TRAF3IP1: variants seen among roughly 807,000 people sequenced by gnomAD.
TRAF3IP1 encodes the protein TRAF3-interacting protein 1.
In TRAF3IP1, 53 loss-of-function variants were observed where a neutral mutation model predicts 89.9. That is an observed-to-expected ratio of 0.59 (90% confidence interval 0.47 to 0.74). The LOEUF (loss-of-function observed/expected upper bound fraction) is 0.74, where lower values mean the gene tolerates loss of function less well. Among genes scored for constraint, TRAF3IP1 ranks in the 30% least tolerant of loss-of-function variants. The pLI is 0.00. For synonymous variants in TRAF3IP1, 311 were observed against 322.1 expected, an observed-to-expected ratio of 0.97 and a Z score of 0.37; for missense variants, 806 against 866.1, an observed-to-expected ratio of 0.93 and a Z score of 0.87.
rs1697463556 is a variant in TRAF3IP1 at position 238,320,544 on chromosome 2, C to G, written c.-119C>G. Reference sequence around the variant, plus strand: ...CACTGTGGGATGGAAACCGGAGCGGCGCGTCCTGGCAGGACCGGGCGGCGG... The same window carrying G: ...CACTGTGGGATGGAAACCGGAGCGGGGCGTCCTGGCAGGACCGGGCGGCGG... On this transcript the variant is annotated 5_prime_UTR_variant, in exon 1 of 17. Coordinates refer to ENST00000373327, the MANE Select transcript of TRAF3IP1 (RefSeq NM_015650.4). 9.8e-7 allele frequency: 1 copy of G among 1,021,274 alleles called. No individual in the cohort carries two copies. The allele number at this position is 1,021,274 out of a possible 1,614,324, so 63.3% of individuals were successfully genotyped here. A position where few individuals can be genotyped will look rare whatever the true frequency, so the allele number is the denominator to read the frequency against.
rs760551791 is a variant in TRAF3IP1 at position 238,349,336 on chromosome 2, G to T, written c.1379G>T (p.Arg460Leu). The change falls in exon 12 of 17, where the codon CGG becomes CTG. Residue 460 changes from arginine (R) to leucine (L), a missense_variant. Physicochemically the swap from Arg to Leu is moderately radical, Grantham distance 102 (BLOSUM62 -2). Coordinates refer to ENST00000373327, the MANE Select transcript of TRAF3IP1 (RefSeq NM_015650.4). ...ATATTTGGGTTTAGAAGAATTCCTC[G>T]GCCTGGGAGTGCAAGACCAGCCCCT... ...ELSSNIRRIP[R>L]PGSARPAPPR... 20 of 1,614,028 alleles carry T rather than the reference G, an allele frequency of 1.2e-5. No homozygotes were observed. The highest frequency in any genetic ancestry group is 1.7e-5 in the Non-Finnish European group (20 of 1,180,006).
intron 15 of TRAF3IP1, among the ~76,000 whole-genome samples, chr2:238,391,950 C>T (rs988353872): frequency 2.6e-5 from 4 of 152,162 alleles, no homozygotes; most frequent in African/African-American, 4.8e-5. Flanking sequence ...ATATATTTTT[C>T]TCTTGGGAAG....
At chr2:238,352,756 G>T in intron 12 of TRAF3IP1, 71 bp from the exon 13 acceptor site, 1 of 1,477,702 alleles carries the variant, frequency 6.8e-7, no homozygotes, top group South Asian at 1.3e-5. Flanking sequence ...GCCGACCTCT[G>T]ACACAGTTTC....
chr2:238,342,234 C>T (rs1574914052), intron 8 of TRAF3IP1, among the ~76,000 whole-genome samples: 1 of 152,156 alleles, frequency 6.6e-6, no homozygotes, highest in South Asian at 2.1e-4. Context: ...GGTGATCCAC[C>T]TGTCTGGGCC....
intron 15 of TRAF3IP1, among the ~76,000 whole-genome samples, chr2:238,377,653 A>G (rs1180980802): frequency 6.6e-6 from 1 of 152,028 alleles, no homozygotes; most frequent in Non-Finnish European, 1.5e-5. Context: ...AATGAAATGG[A>G]CCCATAATTT....
At chr2:238,347,881 C>T (rs2106391283) in intron 10 of TRAF3IP1, among the ~76,000 whole-genome samples, 1 of 152,266 alleles carries the variant, frequency 6.6e-6, no homozygotes, top group Non-Finnish European at 1.5e-5. Context: ...CCTGCCTCGG[C>T]CTCCCAAAGT....
In TRAF3IP1 at chr2:238,344,577, A is replaced by C. The variant is rs776449747; in HGVS notation, c.1240A>C (p.Asn414His). The change falls in exon 9 of 17, where the codon AAC (asparagine) becomes CAC (histidine). Residue 414 changes from asparagine (N) to histidine (H), a missense_variant. Coordinates refer to ENST00000373327, the MANE Select transcript of TRAF3IP1 (RefSeq NM_015650.4). Reference protein sequence around the residue: ...ASLRCENIQPNPTEKQKGDST... With the variant: ...ASLRCENIQPHPTEKQKGDST... Reference sequence around the variant, plus strand: ...TCTGCGGTGTGAGAATATTCAGCCCAACCCCACAGAGAAGCAGAAAGGTAA... The same window carrying C: ...TCTGCGGTGTGAGAATATTCAGCCCCACCCCACAGAGAAGCAGAAAGGTAA... The C allele has an allele frequency of 3.7e-6, 6 of 1,614,074 alleles. No homozygotes were observed. In the African/African-American group the frequency reaches 5.3e-5, roughly 14 times the overall value.
At chr2:238,363,428 CAT>C (rs1699742948) in intron 15 of TRAF3IP1, among the ~76,000 whole-genome samples, 1 of 152,090 alleles carries the variant, frequency 6.6e-6, no homozygotes, top group Non-Finnish European at 1.5e-5. Flanking sequence ...ACAATTTTAA[CAT>C]ATGGGCAGTT....
chr2:238,389,981 T>C (rs764090998), intron 15 of TRAF3IP1, among the ~76,000 whole-genome samples: 3 of 152,176 alleles, frequency 2.0e-5, no homozygotes, highest in Non-Finnish European at 2.9e-5. Flanking sequence ...TGAGAAATCT[T>C]GGAAGCATTT....
chr2:238,333,938 T>G, intron 6 of TRAF3IP1, 22 bp from the exon 7 acceptor site: 1 of 1,583,150 alleles, frequency 6.3e-7, no homozygotes, highest in Non-Finnish European at 8.6e-7. Context: ...AATTAATTTC[T>G]TTTCATTCTT....
rs375052092 is a variant in TRAF3IP1 at position 238,398,909 on chromosome 2, C to T, written c.2066C>T (p.Ser689Leu). ...ATGGTATATAGTATCAATTTGACTT[C>T]GAGAAGGTGAACACTCAAAAGTTTC... ...QKMVYSINLT[S>L]RR The change falls in exon 17 of 17, where the codon TCG (serine) becomes TTG (leucine). Residue 689 changes from serine to leucine, a missense_variant. By Grantham distance (145) the Ser-to-Leu change is moderately radical (BLOSUM62 -2). Coordinates refer to ENST00000373327, the MANE Select transcript of TRAF3IP1 (RefSeq NM_015650.4). The T allele has an allele frequency of 2.9e-5, 46 of 1,600,590 alleles. No individual in the cohort carries two copies. The highest frequency in any genetic ancestry group is 1.7e-4 in the Middle Eastern group (1 of 6,008).
At chr2:238,344,268 C>T (rs1242827678) in intron 8 of TRAF3IP1, among the ~76,000 whole-genome samples, 1 of 152,084 alleles carries the variant, frequency 6.6e-6, no homozygotes, top group Non-Finnish European at 1.5e-5. Flanking sequence ...ACCAAGGATC[C>T]ACTCATAGTC....
At position 238,347,496 on chromosome 2, in the gene TRAF3IP1, C is replaced by G. The variant is rs1446507542; in HGVS notation, c.1282+21C>G. The G allele has an allele frequency of 9.3e-6, 15 of 1,613,388 alleles. No individual in the cohort carries two copies. In the East Asian group the frequency reaches 3.3e-4, roughly 36 times the overall value. ...TGCAGGTGAGGAATGGCCTTAGATA[C>G]CTGTGTGTCATATCAATTGTATGCA... On this transcript the variant is annotated intron_variant, in intron 10 of 16. Transcript: ENST00000373327.
rs768135562 is a variant in TRAF3IP1, at chr2:238,400,006, G to A, written c.*1087G>A. 3 of 151,970 alleles carry A rather than the reference G, an allele frequency of 2.0e-5. No homozygotes were observed. Among genetic ancestry groups the A allele is most frequent in the Non-Finnish European group, 2.9e-5 (2 of 68,020 alleles). 9.4% of individuals were successfully genotyped at this position (151,970 alleles called of 1,614,324 possible). On this transcript the variant is annotated 3_prime_UTR_variant, in exon 17 of 17. Coordinates refer to ENST00000373327, the MANE Select transcript of TRAF3IP1 (RefSeq NM_015650.4). ...ACATACTTATGGGTCTTGAGGTCTG[G>A]GTCCTAATACTTTTAAATAGTGTAT...
chr2:238,321,915 T>G (rs1259953194), intron 1 of TRAF3IP1, among the ~76,000 whole-genome samples: 2 of 152,224 alleles, frequency 1.3e-5, no homozygotes, highest in Non-Finnish European at 2.9e-5. Context: ...TTACTGGTTC[T>G]GCCCTCCTAC....
intron 11 of TRAF3IP1, 138 bp from the exon 12 acceptor site, chr2:238,349,187 T>C: frequency 1.3e-6 from 1 of 766,614 alleles, no homozygotes; most frequent in Non-Finnish European, 2.1e-6. Context: ...CCTCCTCTTC[T>C]GCAGAGTAGC....
intron 9 of TRAF3IP1, chr2:238,344,809 C>G (rs897567103): frequency 3.0e-6 from 2 of 666,202 alleles, no homozygotes; most frequent in Non-Finnish European, 5.5e-6. Context: ...CGTGTGCTCC[C>G]CCGTGCTCTG....
chr2:238,363,551 C>T (rs1699747714), intron 15 of TRAF3IP1, among the ~76,000 whole-genome samples: 1 of 151,914 alleles, frequency 6.6e-6, no homozygotes, highest in South Asian at 2.1e-4. Context: ...TTTAATGTGG[C>T]CTATTTGGTG....
intron 15 of TRAF3IP1, among the ~76,000 whole-genome samples, chr2:238,369,721 G>T (rs1255313712): frequency 6.6e-6 from 1 of 152,210 alleles, no homozygotes; most frequent in African/African-American, 2.4e-5. Flanking sequence ...CTGTCTGCCA[G>T]CTTCTCTGCA....
Sources: gnomAD v4.1 joint callset for allele counts (sites outside exome capture counted in the v4.1 genomes callset) on GRCh38, gnomAD v4.1.1 for gene constraint, MANE v1.5 for transcripts, NCBI Gene and HGNC (gene_info 2026-07-23, HGNC 2026-07-21) for gene names.